MEOX2: variants seen among roughly 807,000 people sequenced by gnomAD.
The protein encoded by MEOX2 is mesenchyme homeobox 2.
MEOX2 carries 11 observed loss-of-function variants against 27.0 expected under a neutral mutation model. That is an observed-to-expected ratio of 0.41 (90% CI 0.26 to 0.68). The LOEUF (loss-of-function observed/expected upper bound fraction) is 0.68. MEOX2 is among the 30% of genes least tolerant of loss of function. The probability of loss-of-function intolerance (pLI) is 0.33; values close to 1 mark genes in which losing one functional copy is unlikely to be tolerated. For synonymous variants in MEOX2, 189 were observed against 155.4 expected, an observed-to-expected ratio of 1.22 and a Z score of -1.61; for missense variants, 436 against 385.4, an observed-to-expected ratio of 1.13 and a Z score of -1.10.
chr7:15,619,381 A>G (rs1781179765), intron 2 of MEOX2, among the ~76,000 whole-genome samples: 2 of 151,984 alleles, frequency 1.3e-5, no homozygotes, highest in Admixed American at 1.3e-4. Flanking sequence ...ATGTTCCCTA[A>G]CATTATTGTT....
chr7:15,659,695 G>A (rs1010043974), intron 1 of MEOX2, among the ~76,000 whole-genome samples: 2 of 149,828 alleles, frequency 1.3e-5, no homozygotes, highest in East Asian at 2.0e-4. Flanking sequence ...GGGAGGCGGA[G>A]GTTGTAGTGA....
chr7:15,650,207 C>T (rs1436642451), intron 1 of MEOX2, among the ~76,000 whole-genome samples: 1 of 152,004 alleles, frequency 6.6e-6, no homozygotes, highest in Admixed American at 6.6e-5. Flanking sequence ...CCTTTTCCAA[C>T]CTCTCTGTAA....
intron 1 of MEOX2, among the ~76,000 whole-genome samples, chr7:15,675,835 T>G (rs1161433212): frequency 2.6e-5 from 4 of 152,220 alleles, no homozygotes; most frequent in African/African-American, 9.6e-5. Context: ...TATTTTGCTC[T>G]TCTTCCTGTA....
chr7:15,626,760 G>C lies in MEOX2; in HGVS notation c.676C>G (p.Leu226Val), dbSNP rs1228439600. 1.9e-6 allele frequency: 3 copies of C among 1,608,328 alleles called. No homozygotes were observed. Among genetic ancestry groups the C allele is most frequent in the African/African-American group, 1.4e-5 (1 of 73,860 alleles). ...CCCAGCTTTACCTGTCTTTCAGTGA[G>C]ATCCAGATTCACTGCTATCTCGTAT... ...RRYEIAVNLDLTERQVKVWFQ... is the reference protein window; with the variant it reads ...RRYEIAVNLDVTERQVKVWFQ... Residue 226 changes from leucine to valine, a missense_variant, in exon 2 of 3, where the codon CTC becomes GTC. Physicochemically the swap from Leu to Val is conservative, Grantham distance 32. Coordinates refer to ENST00000262041, the MANE Select transcript of MEOX2 (RefSeq NM_005924.5).
chr7:15,618,984 ATC>A (rs1291954656), intron 2 of MEOX2, among the ~76,000 whole-genome samples: 3 of 151,986 alleles, frequency 2.0e-5, no homozygotes, highest in African/African-American at 7.2e-5. Flanking sequence ...AACTGAATGC[ATC>A]TCTGAGTTTT....
At position 15,668,808 on chromosome 7, in the gene MEOX2, A is replaced by G. The variant is rs757801054; in HGVS notation, c.517+17078T>C. ...ACGTTTTAGGAGACTTGAAAGTTAT[A>G]CATGGATTTTCAACTGCACATGGGG... On this transcript the variant is annotated intron_variant, in intron 1 of 2. Transcript: ENST00000262041. Among the ~76,000 whole-genome samples, 70 of 152,126 alleles carry G rather than the reference A, an allele frequency of 4.6e-4. 1 individual carries two copies. The highest frequency in any genetic ancestry group is 1.5e-4 in the Non-Finnish European group (10 of 68,004).
intron 1 of MEOX2, among the ~76,000 whole-genome samples, chr7:15,659,790 G>A (rs1223873251): frequency 1.3e-5 from 2 of 149,516 alleles, no homozygotes; most frequent in East Asian, 3.9e-4. Flanking sequence ...AAGCAAAGAG[G>A]ATCCAGCTTA....
intron 1 of MEOX2, among the ~76,000 whole-genome samples, chr7:15,659,833 C>T (rs1051846287): frequency 7.5e-5 from 11 of 146,164 alleles, no homozygotes; most frequent in African/African-American, 2.5e-4. Context: ...GATATAGATT[C>T]TTTATTCGCT....
chr7:15,685,508 C>G (rs1425214895), intron 1 of MEOX2, among the ~76,000 whole-genome samples: 1 of 152,220 alleles, frequency 6.6e-6, no homozygotes, highest in African/African-American at 2.4e-5. Context: ...CAAGAAGCGG[C>G]ACCCGCACGC....
At position 15,683,710 on chromosome 7, in the gene MEOX2, A is replaced by T. The variant is rs183022366; in HGVS notation, c.517+2176T>A. Among the ~76,000 whole-genome samples, 3 of 152,304 alleles carry T rather than the reference A, an allele frequency of 2.0e-5. No homozygotes were observed. The East Asian group carries it at 5.8e-4, about 29-fold the overall frequency. ...AAAATTTTATTTTCAATAAGTGTAC[A>T]TAGATTTAAACAGAAACTATTGTGA... On this transcript the variant is annotated intron_variant, in intron 1 of 2. Transcript: ENST00000262041.
chr7:15,681,985 T>C (rs2115398414), intron 1 of MEOX2: 1 of 151,916 alleles, frequency 6.6e-6, no homozygotes, highest in Non-Finnish European at 1.5e-5. Flanking sequence ...TCTAAAGGAA[T>C]TGTTGCTTTT....
rs1374910275 is a variant in MEOX2, at chr7:15,612,383, T to C, written c.*4A>G. The stretch of plus-strand genomic sequence containing the variant: ...CTGAGAATGGAGCTGGTCCTCTGTT[T>C]ATATCATAAGTGCGCATGCTCTGAG... On this transcript the variant is annotated 3_prime_UTR_variant, in exon 3 of 3. Transcript: ENST00000262041. 6.2e-7 allele frequency: 1 copy of C among 1,611,878 alleles called. No homozygotes were observed. Among genetic ancestry groups the C allele is most frequent in the East Asian group, 2.2e-5 (1 of 44,866 alleles).
intron 2 of MEOX2, 117 bp from the exon 3 acceptor site, chr7:15,612,728 A>G (rs1583732061): frequency 4.2e-6 from 3 of 717,142 alleles, no homozygotes; most frequent in Non-Finnish European, 7.1e-6. Flanking sequence ...CAAAGACACC[A>G]TGAAGGAGTG....
chr7:15,618,172 C>A (rs1457654797), intron 2 of MEOX2, among the ~76,000 whole-genome samples: 1 of 151,924 alleles, frequency 6.6e-6, no homozygotes, highest in Non-Finnish European at 1.5e-5. Context: ...AAATTCAACT[C>A]GAATGGCTTC....
intron 1 of MEOX2, 126 bp downstream of exon 1, chr7:15,685,760 G>A (rs1416910991): frequency 7.5e-6 from 10 of 1,339,032 alleles, no homozygotes; most frequent in South Asian, 4.2e-5. Context: ...GCCGCAGGAA[G>A]CCACAGAGGG....
chr7:15,646,350 T>G (rs1781649387), intron 1 of MEOX2, among the ~76,000 whole-genome samples: 1 of 152,034 alleles, frequency 6.6e-6, no homozygotes, highest in Non-Finnish European at 1.5e-5. Flanking sequence ...CAAACCTCAG[T>G]TGAAATGACA....
intron 1 of MEOX2, among the ~76,000 whole-genome samples, chr7:15,651,162 G>A (rs530823538): frequency 8.1e-4 from 123 of 152,114 alleles, no homozygotes; most frequent in African/African-American, 2.8e-3. Context: ...TTGAGAGGGA[G>A]TGGGGAATAA....
At chr7:15,655,125 A>G (rs1781798068) in intron 1 of MEOX2, among the ~76,000 whole-genome samples, 1 of 151,670 alleles carries the variant, frequency 6.6e-6, no homozygotes, top group African/African-American at 2.4e-5. Context: ...TGCTTTTTAA[A>G]AAGTGGGTCC....
chr7:15,665,128 A>G (rs1781980487), intron 1 of MEOX2, among the ~76,000 whole-genome samples: 1 of 151,744 alleles, frequency 6.6e-6, no homozygotes, highest in Non-Finnish European at 1.5e-5. Flanking sequence ...TTCTAACCAC[A>G]CTCTAAATGG....
Sources: allele counts gnomAD v4.1 joint callset (sites outside exome capture counted in the v4.1 genomes callset), GRCh38; gene constraint gnomAD v4.1.1; transcripts MANE v1.5; gene names NCBI Gene and HGNC (gene_info 2026-07-23, HGNC 2026-07-21).